TDRD9: variants seen among roughly 807,000 people sequenced by gnomAD.
TDRD9 encodes ATP-dependent RNA helicase TDRD9.
In TDRD9, 124 loss-of-function variants were observed where a neutral mutation model predicts 172.6. That is an observed-to-expected ratio of 0.72 (90% CI 0.62 to 0.83). The LOEUF is 0.83. Among genes scored for constraint, TDRD9 ranks in the 40% least tolerant of loss-of-function variants. TDRD9 has a pLI of 0.00. For synonymous variants in TDRD9, 619 were observed against 617.1 expected (o/e 1.00, Z -0.05); for missense variants, 1,479 against 1,714.1 (o/e 0.86, Z 2.42).
intron 1 of TDRD9, among the ~76,000 whole-genome samples, chr14:103,939,039 T>C (rs532218546): frequency 2.6e-5 from 4 of 152,164 alleles, no homozygotes; most frequent in Admixed American, 2.6e-4. Flanking sequence ...TGACTTAGAG[T>C]GGCTAGGATT....
chr14:103,928,828 C>T (rs1412208139), intron 1 of TDRD9, 104 bp downstream of exon 1: 7 of 303,568 alleles, frequency 2.3e-5, no homozygotes, highest in East Asian at 1.4e-4. Flanking sequence ...TGCCCTCTCG[C>T]GGGGCTCCAG....
chr14:104,011,369 C>T (rs1382205385), intron 20 of TDRD9, among the ~76,000 whole-genome samples: 1 of 152,148 alleles, frequency 6.6e-6, no homozygotes, highest in East Asian at 1.9e-4. Flanking sequence ...CACATGCATG[C>T]ACAATACTAT....
chr14:103,933,468 A>G lies in TDRD9; in HGVS notation c.215+4744A>G, dbSNP rs2152114334. Among the ~76,000 whole-genome samples the G allele has an allele frequency of 2.6e-5, 4 of 152,262 alleles. No individual in the cohort carries two copies. The Middle Eastern group carries it at 0.014, about 518-fold the overall frequency. On this transcript the variant is annotated intron_variant, in intron 1 of 35. Transcript: ENST00000409874. The stretch of plus-strand genomic sequence containing the variant: ...TATTAAAATGTTCTTTGTCTTTGGG[A>G]AGCCTTCATCATAGGAAGCTTTCAG...
Position 104,025,599 on chromosome 14 carries a change from T to G in TDRD9, c.2754T>G (p.Ile918Met), listed in dbSNP as rs200987644. 5.6e-6 allele frequency: 9 copies of G among 1,613,896 alleles called. No individual in the cohort carries two copies. The African/African-American group carries it at 9.3e-5, about 17-fold the overall frequency. Residue 918 changes from isoleucine to methionine, a missense_variant, in exon 26 of 36, where the codon ATT becomes ATG. By Grantham distance (10) the Ile-to-Met change is conservative. Around this residue, in one of 3 missense-constraint regions of TDRD9, gnomAD observed 1,413 missense variants for 1,649.1 expected, o/e 0.86. Transcript: ENST00000409874. The stretch of plus-strand genomic sequence containing the variant: ...TGGGACACTTTTGGGGATACAGGAT[T>G]GATGAAAACAACTCAGAGATTCTGA... ...VEVGHFWGYR[I>M]DENNSEILKK...
intron 32 of TDRD9, 71 bp downstream of exon 32, chr14:104,035,127 C>G: frequency 1.6e-6 from 2 of 1,242,522 alleles, no homozygotes; most frequent in Non-Finnish European, 2.3e-6. Context: ...GGTGCCTCTC[C>G]TTGCTCCTTT....
intron 24 of TDRD9, among the ~76,000 whole-genome samples, 187 bp downstream of exon 24, chr14:104,022,517 A>G (rs2034989042): frequency 1.3e-5 from 2 of 152,178 alleles, no homozygotes; most frequent in African/African-American, 4.8e-5. Context: ...ACTTGAGCCC[A>G]GGAGTTTGAG....
rs58379140 is a variant in TDRD9, at chr14:103,950,090, CTTTTTT to C, written c.216-5561_216-5556del. On this transcript the variant is annotated intron_variant, in intron 1 of 35. Coordinates refer to ENST00000409874, the MANE Select transcript of TDRD9 (RefSeq NM_153046.3). ...GGGCCCTGCCCTCTTTCCTTCCTTCCTTTTTTTTTTTTTTTTTTGATGGAGTTTCGC... is the reference window on the plus strand; with the variant it reads ...GGGCCCTGCCCTCTTTCCTTCCTTCCTTTTTTTTTTTTGATGGAGTTTCGC... 1.9e-3 allele frequency among the ~76,000 whole-genome samples: 210 copies of C among 108,448 alleles called. No individual in the cohort carries two copies. In the Middle Eastern group the frequency reaches 0.029, roughly 15 times the overall value. 71.1% of individuals were successfully genotyped at this position (108,448 alleles called of 152,430 possible).
At chr14:103,939,568 C>A (rs1010496465) in intron 1 of TDRD9, among the ~76,000 whole-genome samples, 10 of 151,086 alleles carry the variant, frequency 6.6e-5, no homozygotes. Flanking sequence ...TCCTGTTAAA[C>A]CCTGATCAGG....
At chr14:103,981,229 A>C (rs2033462756) in intron 7 of TDRD9, among the ~76,000 whole-genome samples, 1 of 151,988 alleles carries the variant, frequency 6.6e-6, no homozygotes, top group Non-Finnish European at 1.5e-5. Flanking sequence ...GAAATGTGAG[A>C]GTGATGATGG....
chr14:103,955,720 A>C lies in TDRD9; in HGVS notation c.272A>C (p.Glu91Ala). ...TATATTAACAAATACAGACAGCTCG[A>C]AGCACAAGAGCTTGATGTGTGTCGC... The part of the protein sequence containing the change: ...VEYINKYRQL[E>A]AQELDVCRSV... Residue 91 changes from glutamate (E) to alanine (A), a missense_variant, in exon 2 of 36, where the codon GAA becomes GCA. Physicochemically the swap from Glu to Ala is moderately radical, Grantham distance 107. Coordinates refer to ENST00000409874, the MANE Select transcript of TDRD9 (RefSeq NM_153046.3). The C allele has an allele frequency of 6.4e-7, 1 of 1,551,468 alleles. No individual in the cohort carries two copies.
At chr14:103,939,000 G>T (rs2030997156) in intron 1 of TDRD9, among the ~76,000 whole-genome samples, 1 of 152,074 alleles carries the variant, frequency 6.6e-6, no homozygotes, top group African/African-American at 2.4e-5. Flanking sequence ...TTTCAAGCTT[G>T]GGTGGAAAAT....
intron 34 of TDRD9, among the ~76,000 whole-genome samples, chr14:104,043,963 G>A (rs967361403): frequency 3.3e-5 from 5 of 152,160 alleles, no homozygotes; most frequent in African/African-American, 1.2e-4. Flanking sequence ...TGGGGGGCTC[G>A]TCGCCATGTG....
intron 13 of TDRD9, among the ~76,000 whole-genome samples, chr14:104,003,324 A>G (rs553384474): frequency 9.2e-5 from 14 of 152,300 alleles, no homozygotes; most frequent in African/African-American, 3.1e-4. Context: ...TTTAGCATCT[A>G]TCTTATGCCT....
In TDRD9 at chr14:103,955,653, ATTCTT is replaced by A; in HGVS notation, c.216-7_216-3del. On this transcript the variant is annotated splice_polypyrimidine_tract_variant and splice_region_variant and intron_variant, in intron 1 of 35. Transcript: ENST00000409874. ...TGGAAATAGTATACTAACTTTTACT[ATTCTT>A]TTCAGGTCACTCAGCCAAAGGAGCT... The A allele has an allele frequency of 6.5e-7, 1 of 1,547,418 alleles. No homozygotes were observed. Among genetic ancestry groups the A allele is most frequent in the Non-Finnish European group, 8.7e-7 (1 of 1,144,370 alleles).
chr14:103,935,168 A>T (rs2030675799), intron 1 of TDRD9, among the ~76,000 whole-genome samples: 1 of 152,180 alleles, frequency 6.6e-6, no homozygotes, highest in Non-Finnish European at 1.5e-5. Flanking sequence ...TATGGGAGCT[A>T]ATTCCTTAAA....
chr14:104,040,395 A>G, intron 33 of TDRD9, 61 bp downstream of exon 33: 1 of 1,453,904 alleles, frequency 6.9e-7, no homozygotes. Flanking sequence ...TGCTTACCTG[A>G]CAGTGAGTGC....
In TDRD9 at chr14:104,032,826, A is replaced by T. The variant is rs144442583; in HGVS notation, c.3509+739A>T. On this transcript the variant is annotated intron_variant, in intron 30 of 35. Coordinates refer to ENST00000409874, the MANE Select transcript of TDRD9 (RefSeq NM_153046.3). ...ACAATATAGGGTGATAGGGCTCTTG[A>T]TAAGGGCACAGAACATCATGAAAGC... 4.5e-4 allele frequency among the ~76,000 whole-genome samples: 69 copies of T among 152,232 alleles called. 1 individual carries two copies. In the East Asian group the frequency reaches 0.013, roughly 29 times the overall value.
rs569245595 is a variant in TDRD9, at chr14:103,986,510, T to G, written c.1115+190T>G. ...AACTGGAAATATCTATTTTAAATAA[T>G]TAAAGCCATGCTGAGTGCAGTGTTA... On this transcript the variant is annotated intron_variant, in intron 8 of 35. Coordinates refer to ENST00000409874, the MANE Select transcript of TDRD9 (RefSeq NM_153046.3). Among the ~76,000 whole-genome samples, 59 of 152,334 alleles carry G rather than the reference T, an allele frequency of 3.9e-4. 1 individual carries two copies. The highest frequency in any genetic ancestry group is 1.4e-3 in the African/African-American group (57 of 41,574).
At chr14:103,979,734 G>C (rs1051560829) in intron 7 of TDRD9, among the ~76,000 whole-genome samples, 1 of 152,202 alleles carries the variant, frequency 6.6e-6, no homozygotes, top group Non-Finnish European at 1.5e-5. Flanking sequence ...GGTTGTGTTT[G>C]CCAGGTTTCT....
Sources: allele counts gnomAD v4.1 joint callset (sites outside exome capture counted in the v4.1 genomes callset), GRCh38; gene constraint gnomAD v4.1.1; regional missense constraint gnomAD v4.1.1; transcripts MANE v1.5; gene names NCBI Gene and HGNC (gene_info 2026-07-23, HGNC 2026-07-21).